Variants in PPP1R15A observed in about 807,000 individuals in gnomAD.
PPP1R15A encodes the protein growth arrest and DNA damage-inducible protein GADD34.
A neutral mutation model predicts 48.5 loss-of-function variants in PPP1R15A; 43 were observed. The ratio of observed to expected loss-of-function variants is 0.89; its 90% CI spans 0.69 to 1.14. The LOEUF is 1.14. Ranked by LOEUF, PPP1R15A falls within the 50% of genes most tolerant of loss-of-function variation. PPP1R15A has a pLI of 0.00. For synonymous variants in PPP1R15A, 327 were observed against 327.4 expected, an observed-to-expected ratio of 1.00 and a Z score of 0.01; for missense variants, 868 against 847.2, an observed-to-expected ratio of 1.02 and a Z score of -0.30.
chr19:48,873,174 G>A, intron 1 of PPP1R15A, 51 bp from the exon 2 acceptor site: 1 of 1,425,716 alleles, frequency 7.0e-7, no homozygotes. Context: ...ACGCCCGGAT[G>A]CCATCCTCTA....
rs1408799640 is a variant in PPP1R15A, at chr19:48,874,335, G to A, written c.1102G>A (p.Glu368Lys). The change falls in exon 2 of 3, where the codon GAG becomes AAG. Residue 368 changes from glutamate to lysine, a missense_variant. By Grantham distance (56) the Glu-to-Lys change is moderately conservative. Transcript: ENST00000200453. Reference sequence around the variant, plus strand: ...TGAGGACAGTGACTCTGGATCAGATGAGGAAGAGGGAGAAGCTGAGGCTTC... The same window carrying A: ...TGAGGACAGTGACTCTGGATCAGATAAGGAAGAGGGAGAAGCTGAGGCTTC... ...EDEDSDSGSD[E>K]EEGEAEASSS... The A allele has an allele frequency of 6.2e-7, 1 of 1,613,952 alleles. No individual in the cohort carries two copies. The highest frequency in any genetic ancestry group is 1.1e-5 in the South Asian group (1 of 91,066).
chr19:48,875,296 A>G (rs1191026472), intron 2 of PPP1R15A: 20 of 386,178 alleles, frequency 5.2e-5, no homozygotes, highest in Non-Finnish European at 8.0e-5. Context: ...GGGTCCCTGT[A>G]TGTTGCAGAG....
chr19:48,875,004 C>G lies in PPP1R15A; in HGVS notation c.1665+106C>G, dbSNP rs1019420736. ...GCAGCGGCATGATCTTGGCTCACTGCCAACCTCTGCCGCCCAAGTTCAGGC... is the reference window on the plus strand; with the variant it reads ...GCAGCGGCATGATCTTGGCTCACTGGCAACCTCTGCCGCCCAAGTTCAGGC... On this transcript the variant is annotated intron_variant, in intron 2 of 2. Transcript: ENST00000200453. 1.5e-5 allele frequency: 20 copies of G among 1,299,300 alleles called. No individual in the cohort carries two copies. The African/African-American group carries it at 2.7e-4, about 18-fold the overall frequency. The allele number at this position is 1,299,300 out of a possible 1,614,324, so 80.5% of individuals were successfully genotyped here. A position where few individuals can be genotyped will look rare whatever the true frequency, so the allele number is the denominator to read the frequency against.
Position 48,875,667 on chromosome 19 carries a change from G to A in PPP1R15A, c.1719G>A (p.Pro573=), listed in dbSNP as rs1031045647. ...TVHFLAVWAG[P]AQAARQGPWE... ...ATTTCCTGGCTGTCTGGGCAGGGCC[G>A]GCCCAGGCCGCCCGCCAGGGCCCCT... Residue 573 remains proline (P), a synonymous_variant, in exon 3 of 3, where the codon CCG becomes CCA. Transcript: ENST00000200453. The A allele has an allele frequency of 1.2e-5, 20 of 1,609,718 alleles. No individual in the cohort carries two copies. Among genetic ancestry groups the A allele is most frequent in the African/African-American group, 5.4e-5 (4 of 74,654 alleles).
At position 48,873,901 on chromosome 19, in the gene PPP1R15A, G is replaced by A; in HGVS notation, c.668G>A (p.Cys223Tyr). The change falls in exon 2 of 3, where the codon TGC becomes TAC. Residue 223 changes from cysteine to tyrosine, a missense_variant. Cys to Tyr is a radical substitution (Grantham distance 194). Transcript: ENST00000200453. ...TCCAAGCCCAGCACTTGGGTGTCTT[G>A]CCCAGGGGAGGAAGAGAATCAAGCC... The part of the protein sequence containing the change: ...PGSKPSTWVS[C>Y]PGEEENQATE... 6.2e-7 allele frequency: 1 copy of A among 1,614,086 alleles called. No homozygotes were observed. Among genetic ancestry groups the A allele is most frequent in the Non-Finnish European group, 8.5e-7 (1 of 1,180,020 alleles).
rs758099641 is a variant in PPP1R15A, at chr19:48,873,928, C to A, written c.695C>A (p.Thr232Lys). ...CCAGGGGAGGAAGAGAATCAAGCCA[C>A]GGAGGATAAAAGAACAGAAAGAAGT... is the stretch of plus-strand genomic sequence containing the variant. ...SCPGEEENQA[T>K]EDKRTERSKG... Residue 232 changes from threonine to lysine, a missense_variant, in exon 2 of 3, where the codon ACG becomes AAG. Transcript: ENST00000200453. The A allele has an allele frequency of 6.2e-7, 1 of 1,613,946 alleles. No homozygotes were observed. The highest frequency in any genetic ancestry group is 8.5e-7 in the Non-Finnish European group (1 of 1,180,016).
At position 48,875,885 on chromosome 19, in the gene PPP1R15A, C is replaced by T. The variant is rs764242076; in HGVS notation, c.1937C>T (p.Thr646Ile). The T allele has an allele frequency of 7.8e-5, 126 of 1,614,064 alleles. No individual in the cohort carries two copies. The highest frequency in any genetic ancestry group is 1.6e-4 in the Middle Eastern group (1 of 6,084). ...SSSVPSSPVQ[T>I]TPLSQAVATP... The stretch of plus-strand genomic sequence containing the variant: ...TCTGTCCCTTCGTCCCCAGTCCAGA[C>T]CACGCCCTTGAGCCAAGCTGTGGCC... Residue 646 changes from threonine (T) to isoleucine (I), a missense_variant, in exon 3 of 3, where the codon ACC becomes ATC. Thr to Ile is a moderately conservative substitution (Grantham distance 89). Coordinates refer to ENST00000200453, the MANE Select transcript of PPP1R15A (RefSeq NM_014330.5).
rs2037034650 is a variant in PPP1R15A, at chr19:48,873,452, C to T, written c.219C>T (p.Thr73=). The change falls in exon 2 of 3, where the codon ACC becomes ACT. Residue 73 remains threonine, a synonymous_variant. Transcript: ENST00000200453. ...GGACTCCTCTGGCAATCCCCCATACCCCTTGGGGCAGACGCCCTGAAGAGG... is the reference window on the plus strand; with the variant it reads ...GGACTCCTCTGGCAATCCCCCATACTCCTTGGGGCAGACGCCCTGAAGAGG... The part of the protein sequence containing the change: ...EARTPLAIPH[T]PWGRRPEEEA... 6.2e-7 allele frequency: 1 copy of T among 1,613,592 alleles called. No homozygotes were observed. The highest frequency in any genetic ancestry group is 2.2e-5 in the East Asian group (1 of 44,892).
rs907266600 is a variant in PPP1R15A, at chr19:48,872,426, T to C, written c.-235T>C. On this transcript the variant is annotated 5_prime_UTR_variant, in exon 1 of 3. Transcript: ENST00000200453. ...TAGTGGCCATTGTGTTCGTTGCTCT[T>C]ATCGGTTCCCATCCCAGTTGTTGAT... The C allele has an allele frequency of 6.6e-6, 3 of 456,366 alleles. No individual in the cohort carries two copies. Among genetic ancestry groups the C allele is most frequent in the African/African-American group, 2.0e-5 (1 of 50,086 alleles). The allele number at this position is 456,366 out of a possible 1,614,324, so 28.3% of individuals were successfully genotyped here.
At chr19:48,875,242 T>C in intron 2 of PPP1R15A, 1 of 326,754 alleles carries the variant, frequency 3.1e-6, no homozygotes, top group Non-Finnish European at 5.6e-6. Context: ...AGAGCCCAGA[T>C]TCTTGAGTCT....
Position 48,873,717 on chromosome 19 carries a change from A to G in PPP1R15A, c.484A>G (p.Lys162Glu), listed in dbSNP as rs533691597. ...QGSDKNPGEE[K>E]AEEEGVAEEE... ...TTCTGATAAGAACCCAGGGGAGGAG[A>G]AAGCCGAGGAAGAGGGAGTTGCTGA... The change falls in exon 2 of 3, where the codon AAA (lysine) becomes GAA (glutamate). Residue 162 changes from lysine (K) to glutamate (E), a missense_variant. Lys to Glu is a moderately conservative substitution (Grantham distance 56, BLOSUM62 1). Coordinates refer to ENST00000200453, the MANE Select transcript of PPP1R15A (RefSeq NM_014330.5). The G allele has an allele frequency of 8.7e-6, 14 of 1,613,894 alleles. No homozygotes were observed. The Admixed American group carries it at 2.3e-4, about 27-fold the overall frequency.
intron 2 of PPP1R15A, chr19:48,875,274 G>T (rs868076907): frequency 5.7e-6 from 2 of 353,594 alleles, no homozygotes; most frequent in Non-Finnish European, 1.0e-5. Context: ...GGGGCTGGGG[G>T]CCGAGACTTC....
intron 2 of PPP1R15A, chr19:48,875,350 G>A (rs1039459065): frequency 6.7e-5 from 36 of 538,712 alleles, no homozygotes; most frequent in East Asian, 1.8e-4. Flanking sequence ...ACGCTGTCAC[G>A]CAATCCCTTG....
chr19:48,874,317 A>G lies in PPP1R15A; in HGVS notation c.1084A>G (p.Ser362Gly). 1 of 1,609,606 alleles carries G rather than the reference A, an allele frequency of 6.2e-7. No homozygotes were observed. The change falls in exon 2 of 3, where the codon AGT becomes GGT. Residue 362 changes from serine to glycine, a missense_variant. Physicochemically the swap from Ser to Gly is moderately conservative, Grantham distance 56. Coordinates refer to ENST00000200453, the MANE Select transcript of PPP1R15A (RefSeq NM_014330.5). ...GGAAGATGAGGAAGAAGATGAGGAC[A>G]GTGACTCTGGATCAGATGAGGAAGA... ...EEEDEEEDED[S>G]DSGSDEEEGE...
rs1236215426 is a variant in PPP1R15A at position 48,873,678 on chromosome 19, A to C, written c.445A>C (p.Arg149=). 1.2e-6 allele frequency: 2 copies of C among 1,614,202 alleles called. No homozygotes were observed. Among genetic ancestry groups the C allele is most frequent in the Non-Finnish European group, 1.7e-6 (2 of 1,180,042 alleles). ...RAPLSPSLLI[R]TLQGSDKNPG... ...TCCCCTGTCTCCCAGCCTTCTGATA[A>C]GGACACTGCAAGGTTCTGATAAGAA... The change falls in exon 2 of 3, where the codon AGG becomes CGG. Residue 149 remains arginine, a synonymous_variant. Coordinates refer to ENST00000200453, the MANE Select transcript of PPP1R15A (RefSeq NM_014330.5).
intron 1 of PPP1R15A, 57 bp from the exon 2 acceptor site, chr19:48,873,168 C>T: frequency 7.0e-7 from 1 of 1,423,446 alleles, no homozygotes. Flanking sequence ...ATAGTCACGC[C>T]CGGATGCCAT....
chr19:48,875,693 G>A lies in PPP1R15A; in HGVS notation c.1745G>A (p.Trp582Ter). The A allele has an allele frequency of 6.2e-7, 1 of 1,612,290 alleles. No individual in the cohort carries two copies. The highest frequency in any genetic ancestry group is 2.2e-5 in the East Asian group (1 of 44,834). ...GPAQAARQGPWEQLARDRSRF... is the reference protein window; with the variant it reads ...GPAQAARQGP ...GCCCAGGCCGCCCGCCAGGGCCCCT[G>A]GGAGCAGCTTGCTCGGGATCGCAGC... Residue 582 changes from tryptophan to a stop codon, truncating the protein, a stop_gained, in exon 3 of 3, where the codon TGG (tryptophan) becomes TAG (stop). Transcript: ENST00000200453. LOFTEE classifies it low-confidence loss of function (END_TRUNC).
At position 48,873,731 on chromosome 19, in the gene PPP1R15A, G is replaced by C; in HGVS notation, c.498G>C (p.Glu166Asp). The C allele has an allele frequency of 6.2e-7, 1 of 1,614,112 alleles. No individual in the cohort carries two copies. Among genetic ancestry groups the C allele is most frequent in the Non-Finnish European group, 8.5e-7 (1 of 1,180,018 alleles). Residue 166 changes from glutamate to aspartate, a missense_variant, in exon 2 of 3, where the codon GAG (glutamate) becomes GAC (aspartate). Transcript: ENST00000200453. ...KNPGEEKAEE[E>D]GVAEEEGVNK... Reference sequence around the variant, plus strand: ...CAGGGGAGGAGAAAGCCGAGGAAGAGGGAGTTGCTGAAGAGGAGGGAGTTA... The same window carrying C: ...CAGGGGAGGAGAAAGCCGAGGAAGACGGAGTTGCTGAAGAGGAGGGAGTTA...
At position 48,873,881 on chromosome 19, in the gene PPP1R15A, GC is replaced by G; in HGVS notation, c.651del (p.Ser218AlafsTer122). 5 of 1,614,106 alleles carry G rather than the reference GC, an allele frequency of 3.1e-6. No homozygotes were observed. Among genetic ancestry groups the G allele is most frequent in the Non-Finnish European group, 4.2e-6 (5 of 1,180,022 alleles). On this transcript the variant is annotated frameshift_variant, in exon 2 of 3. Transcript: ENST00000200453. LOFTEE classifies it high-confidence loss of function. Reference protein sequence around the residue: ...STSALSPGSKPSTWVSCPGEE... With the variant: ...STSALSPGSKXSTWVSCPGEE... The stretch of plus-strand genomic sequence containing the variant: ...CTTCTGCCTTGTCTCCAGGATCCAA[GC>G]CCAGCACTTGGGTGTCTTGCCCAGG...
Sources: gnomAD v4.1 joint callset for allele counts on GRCh38, gnomAD v4.1.1 for gene constraint, MANE v1.5 for transcripts, NCBI Gene and HGNC (gene_info 2026-07-23, HGNC 2026-07-21) for gene names.